The following DNAAF4 variants were observed in gnomAD, a reference collection of about 807,000 sequenced individuals.
The protein encoded by DNAAF4 is dynein assembly factor 4, axonemal.
Under a neutral mutation model 51.8 loss-of-function variants are expected in DNAAF4, and 43 were observed. The observed-to-expected ratio is 0.83, with a 90% confidence interval of 0.65 to 1.07. The LOEUF (loss-of-function observed/expected upper bound fraction) is 1.07, where lower values mean the gene tolerates loss of function less well. Ranked by LOEUF, DNAAF4 falls within the 50% of genes least tolerant of loss-of-function variation. DNAAF4 has a pLI of 0.00. For synonymous variants in DNAAF4, 194 were observed against 165.6 expected, an observed-to-expected ratio of 1.17 and a Z score of -1.32; for missense variants, 581 against 493.0, an observed-to-expected ratio of 1.18 and a Z score of -1.69.
chr15:55,444,565 T>C (rs537265408), intron 6 of DNAAF4, among the ~76,000 whole-genome samples: 1 of 152,308 alleles, frequency 6.6e-6, no homozygotes, highest in African/African-American at 2.4e-5. Flanking sequence ...AAGTAGTTTG[T>C]TTTCCAATTC....
intron 5 of DNAAF4, among the ~76,000 whole-genome samples, chr15:55,460,498 A>G (rs895147681): frequency 6.6e-6 from 1 of 151,946 alleles, no homozygotes; most frequent in Non-Finnish European, 1.5e-5. Context: ...CAAATTTATA[A>G]AACAGTTATT....
chr15:55,460,336 C>G lies in DNAAF4; in HGVS notation c.637+6594G>C, dbSNP rs185571948. Among the ~76,000 whole-genome samples, 539 of 152,040 alleles carry G rather than the reference C, an allele frequency of 3.5e-3. 2 individuals are homozygous for G. Among genetic ancestry groups the G allele is most frequent in the Non-Finnish European group, 5.6e-3 (380 of 67,954 alleles). On this transcript the variant is annotated intron_variant, in intron 5 of 9. Coordinates refer to ENST00000321149, the MANE Select transcript of DNAAF4 (RefSeq NM_130810.4). The stretch of plus-strand genomic sequence containing the variant: ...CTGGGATTACAGGTGCGTGCCAGCA[C>G]GCCCGGCTAATTTTTGTGTTTTTAG...
chr15:55,468,061 T>C (rs1019607864), intron 4 of DNAAF4, among the ~76,000 whole-genome samples: 2 of 152,190 alleles, frequency 1.3e-5, no homozygotes, highest in Non-Finnish European at 2.9e-5. Context: ...AGGTGGCTAA[T>C]TAAGTACTTC....
chr15:55,484,842 G>A (rs1369588251), intron 4 of DNAAF4, among the ~76,000 whole-genome samples: 1 of 152,110 alleles, frequency 6.6e-6, no homozygotes, highest in African/African-American at 2.4e-5. Flanking sequence ...GGCCAGTCTC[G>A]TCTTTTCATA....
chr15:55,438,867 T>C (rs1244580497), intron 7 of DNAAF4, among the ~76,000 whole-genome samples: 2 of 151,770 alleles, frequency 1.3e-5, no homozygotes, highest in African/African-American at 2.4e-5. Context: ...ATGGGAGACA[T>C]CAGAAAGGAC....
intron 3 of DNAAF4, among the ~76,000 whole-genome samples, chr15:55,496,508 C>T (rs1036257756): frequency 2.0e-5 from 3 of 151,996 alleles, no homozygotes; most frequent in African/African-American, 7.2e-5. Context: ...CAGTAGCCTC[C>T]CCTGTAAAAA....
rs1460233047 is a variant in DNAAF4 at position 55,497,578 on chromosome 15, C to T, written c.271+134G>A. 1.7e-5 allele frequency: 17 copies of T among 1,018,204 alleles called. No homozygotes were observed. In the Admixed American group the frequency reaches 4.8e-4, roughly 29 times the overall value. 63.1% of individuals were successfully genotyped at this position (1,018,204 alleles called of 1,614,324 possible). A position where few individuals can be genotyped will look rare whatever the true frequency, so the allele number is the denominator to read the frequency against. ...TCATGTCACTGCACTCCAGCCTGGGCGACAGAGCAAGACTCTTAAAAAAAA... is the reference window on the plus strand; with the variant it reads ...TCATGTCACTGCACTCCAGCCTGGGTGACAGAGCAAGACTCTTAAAAAAAA... On this transcript the variant is annotated intron_variant, in intron 3 of 9. Transcript: ENST00000321149.
At chr15:55,471,103 C>T (rs146269403) in intron 4 of DNAAF4, among the ~76,000 whole-genome samples, 12 of 151,654 alleles carry the variant, frequency 7.9e-5, no homozygotes, top group African/African-American at 2.9e-4. Context: ...TCAAGCGATC[C>T]TCCCACCTCG....
At chr15:55,418,786 A>G (rs1305589807) in intron 7 of DNAAF4, 1 of 420,246 alleles carries the variant, frequency 2.4e-6, no homozygotes, top group Non-Finnish European at 4.2e-6. Flanking sequence ...GTTTTAGTCC[A>G]TGTAATCCAA....
chr15:55,429,149 G>A (rs2057461036), downstream of DNAAF4, among the ~76,000 whole-genome samples: 2 of 151,934 alleles, frequency 1.3e-5, no homozygotes, highest in Non-Finnish European at 2.9e-5. Context: ...TTGAACCCAG[G>A]AGACGGAGGT....
At chr15:55,494,126 T>TA (rs2058609367) in intron 3 of DNAAF4, among the ~76,000 whole-genome samples, 2 of 150,054 alleles carry the variant, frequency 1.3e-5, no homozygotes, top group South Asian at 4.2e-4. Flanking sequence ...GCCTCCCGGG[T>TA]TAAAGTGATT....
At chr15:55,490,408 T>C (rs1323946221) in intron 4 of DNAAF4, among the ~76,000 whole-genome samples, 3 of 152,172 alleles carry the variant, frequency 2.0e-5, no homozygotes, top group Non-Finnish European at 4.4e-5. Context: ...GTAAATTATA[T>C]GGAATGTGAA....
chr15:55,423,799 C>T (rs2057407769), intron 7 of DNAAF4, among the ~76,000 whole-genome samples: 1 of 152,046 alleles, frequency 6.6e-6, no homozygotes, highest in Admixed American at 6.6e-5. Context: ...TTAAAAAATA[C>T]AAAAATAGGC....
intron 4 of DNAAF4, among the ~76,000 whole-genome samples, chr15:55,490,178 T>C (rs1289664240): frequency 6.6e-6 from 1 of 152,096 alleles, no homozygotes; most frequent in Non-Finnish European, 1.5e-5. Context: ...TGGCCTGAGA[T>C]AAGAATTTTT....
chr15:55,475,098 G>A (rs552200213), intron 4 of DNAAF4, among the ~76,000 whole-genome samples: 4 of 152,200 alleles, frequency 2.6e-5, no homozygotes, highest in Non-Finnish European at 4.4e-5. Context: ...TTCCTGGAGG[G>A]AAATCTCAAT....
chr15:55,425,556 T>C (rs2057423446), downstream of DNAAF4, among the ~76,000 whole-genome samples: 1 of 138,678 alleles, frequency 7.2e-6, no homozygotes, highest in African/African-American at 2.7e-5. Context: ...CTCTTTTTCC[T>C]TATTATAAGT....
At chr15:55,462,465 C>A (rs2058106952) in intron 5 of DNAAF4, among the ~76,000 whole-genome samples, 1 of 152,078 alleles carries the variant, frequency 6.6e-6, no homozygotes, top group African/African-American at 2.4e-5. Context: ...GCTGGGATTA[C>A]AGGTATGAGC....
intron 4 of DNAAF4, among the ~76,000 whole-genome samples, chr15:55,479,996 G>T (rs1002725727): frequency 1.3e-5 from 2 of 152,098 alleles, no homozygotes; most frequent in Non-Finnish European, 2.9e-5. Context: ...TGTGATCTTT[G>T]TTGGACCCTT....
chr15:55,449,321 T>C (rs1487141431), intron 6 of DNAAF4, among the ~76,000 whole-genome samples: 1 of 151,744 alleles, frequency 6.6e-6, no homozygotes, highest in African/African-American at 2.4e-5. Context: ...TTCTTATTTC[T>C]ACAATTTTTC....
Sources: allele counts gnomAD v4.1 joint callset (sites outside exome capture counted in the v4.1 genomes callset), GRCh38; gene constraint gnomAD v4.1.1; transcripts MANE v1.5; gene names NCBI Gene and HGNC (gene_info 2026-07-23, HGNC 2026-07-21).